XIRP2: variants seen among roughly 807,000 people sequenced by gnomAD.
XIRP2 encodes xin actin-binding repeat-containing protein 2.
Under a neutral mutation model 277.0 loss-of-function variants are expected in XIRP2, and 236 were observed. That is an observed-to-expected ratio of 0.85 (90% CI 0.77 to 0.95). XIRP2 has a LOEUF of 0.95. XIRP2 is among the 40% of genes least tolerant of loss of function. XIRP2 has a pLI of 0.00. For synonymous variants in XIRP2, 1,490 were observed against 1,416.5 expected, an observed-to-expected ratio of 1.05 and a Z score of -1.17; for missense variants, 4,640 against 4,157.5, an observed-to-expected ratio of 1.12 and a Z score of -3.19.
chr2:166,927,427 T>C (rs1370358900), intron 2 of XIRP2, among the ~76,000 whole-genome samples: 1 of 152,164 alleles, frequency 6.6e-6, no homozygotes, highest in Non-Finnish European at 1.5e-5. Flanking sequence ...CATTTTTTTC[T>C]GGAGGCTCTA....
At chr2:167,095,364 G>T (rs1690271147) in intron 2 of XIRP2, among the ~76,000 whole-genome samples, 1 of 152,156 alleles carries the variant, frequency 6.6e-6, no homozygotes, top group Non-Finnish European at 1.5e-5. Context: ...AATAGGAGTG[G>T]TGAGAGAGGG....
chr2:167,211,569 T>C (rs1462285321), intron 4 of XIRP2, among the ~76,000 whole-genome samples: 1 of 152,230 alleles, frequency 6.6e-6, no homozygotes, highest in Non-Finnish European at 1.5e-5. Context: ...CCTGTAGATA[T>C]TCTCCTCAGG....
rs549536182 is a variant in XIRP2, at chr2:167,256,720, C to T, written c.*40-1137C>T. 5.3e-5 allele frequency among the ~76,000 whole-genome samples: 8 copies of T among 151,860 alleles called. No individual in the cohort carries two copies. In the East Asian group the frequency reaches 1.6e-3, roughly 30 times the overall value. On this transcript the variant is annotated intron_variant, in intron 10 of 10. Transcript: ENST00000409195. ...TTATGTAAAATTAGTTTTCCCAAAC[C>T]TTAGAAGGATAAAAATCAGGATGGT...
chr2:166,956,111 C>A (rs1002762784), intron 2 of XIRP2, among the ~76,000 whole-genome samples: 1 of 150,794 alleles, frequency 6.6e-6, no homozygotes, highest in South Asian at 2.1e-4. Context: ...TGAAAAATAT[C>A]ATAGGGTTTA....
intron 3 of XIRP2, among the ~76,000 whole-genome samples, chr2:167,153,241 C>T (rs1692067534): frequency 6.6e-6 from 1 of 151,958 alleles, no homozygotes; most frequent in South Asian, 2.1e-4. Context: ...TATAGTTGAG[C>T]ACAAATTGTG....
At chr2:167,021,544 A>G (rs2105485406) in intron 2 of XIRP2, among the ~76,000 whole-genome samples, 1 of 152,120 alleles carries the variant, frequency 6.6e-6, no homozygotes, top group South Asian at 2.1e-4. Context: ...TGTTTGTTGG[A>G]AATTTTTCTT....
rs565050772 is a variant in XIRP2 at position 166,943,213 on chromosome 2, T to C, written c.408+39323T>C. 2.0e-5 allele frequency among the ~76,000 whole-genome samples: 3 copies of C among 152,240 alleles called. No homozygotes were observed. The East Asian group carries it at 5.8e-4, about 29-fold the overall frequency. On this transcript the variant is annotated intron_variant, in intron 2 of 10. Coordinates refer to ENST00000409195, the MANE Select transcript of XIRP2 (RefSeq NM_152381.6). ...CATTATCATAGGCCTAATAATATAATAGAAATATTTGTACCTTTTTATCTT... is the reference window on the plus strand; with the variant it reads ...CATTATCATAGGCCTAATAATATAACAGAAATATTTGTACCTTTTTATCTT...
At chr2:167,217,763 G>A (rs1470524288) in intron 4 of XIRP2, among the ~76,000 whole-genome samples, 2 of 152,022 alleles carry the variant, frequency 1.3e-5, no homozygotes, top group African/African-American at 2.4e-5. Flanking sequence ...TCTTAATAAT[G>A]TGTTCCCTAT....
intron 9 of XIRP2, among the ~76,000 whole-genome samples, 193 bp from the exon 10 acceptor site, chr2:167,253,839 G>T (rs1268004815): frequency 5.3e-5 from 8 of 150,670 alleles, no homozygotes; most frequent in Admixed American, 1.3e-4. Context: ...CTAGAGTAAT[G>T]TAGACCATCC....
At chr2:167,124,908 GC>G (rs1197001816) in intron 2 of XIRP2, among the ~76,000 whole-genome samples, 1 of 152,110 alleles carries the variant, frequency 6.6e-6, no homozygotes, top group Non-Finnish European at 1.5e-5. Context: ...CAGAAGGATG[GC>G]CCAGATCAGA....
At position 167,099,297 on chromosome 2, in the gene XIRP2, T is replaced by A. The variant is rs1558979897; in HGVS notation, c.409-36612T>A. 2.0e-5 allele frequency among the ~76,000 whole-genome samples: 3 copies of A among 152,134 alleles called. No individual in the cohort carries two copies. In the East Asian group the frequency reaches 5.8e-4, roughly 29 times the overall value. On this transcript the variant is annotated intron_variant, in intron 2 of 10. Coordinates refer to ENST00000409195, the MANE Select transcript of XIRP2 (RefSeq NM_152381.6). ...AGTTCAAACTTCCCAGTGGCTTTGTTTACTCTGTGAGGGGAAAACTGCCTA... is the reference window on the plus strand; with the variant it reads ...AGTTCAAACTTCCCAGTGGCTTTGTATACTCTGTGAGGGGAAAACTGCCTA...
intron 3 of XIRP2, among the ~76,000 whole-genome samples, chr2:167,185,947 A>G (rs1454594884): frequency 6.6e-6 from 1 of 152,188 alleles, no homozygotes; most frequent in South Asian, 2.1e-4. Flanking sequence ...GTCACAGAGT[A>G]TATTACTGTC....
chr2:167,112,000 G>A (rs984402045), intron 2 of XIRP2, among the ~76,000 whole-genome samples: 1 of 152,144 alleles, frequency 6.6e-6, no homozygotes, highest in African/African-American at 2.4e-5. Flanking sequence ...TGTGGGGTCA[G>A]TGATAACACT....
intron 2 of XIRP2, 109 bp from the exon 3 acceptor site, chr2:167,135,800 A>G (rs1329739355): frequency 8.2e-6 from 9 of 1,093,486 alleles, no homozygotes; most frequent in Non-Finnish European, 3.8e-6. Context: ...AACATCCCTC[A>G]TGACAGAAAT....
rs763059913 is a variant in XIRP2, at chr2:167,243,915, G to T, written c.2523G>T (p.Lys841Asn). Residue 841 changes from lysine (K) to asparagine (N), a missense_variant, in exon 9 of 11, where the codon AAG becomes AAT. Coordinates refer to ENST00000409195, the MANE Select transcript of XIRP2 (RefSeq NM_152381.6). ...TAATAGGTACAGATGTCTCCAGAAA[G>T]TGTTGGATGTTTGAAACCCAGCCAT... is the stretch of plus-strand genomic sequence containing the variant. ...EKIIGTDVSR[K>N]CWMFETQPLD... is the part of the protein sequence containing the mutation. 1.2e-6 allele frequency: 2 copies of T among 1,614,030 alleles called. No individual in the cohort carries two copies. Among genetic ancestry groups the T allele is most frequent in the Admixed American group, 1.7e-5 (1 of 60,010 alleles).
chr2:167,138,488 A>C (rs116674625), intron 3 of XIRP2, among the ~76,000 whole-genome samples: 2,089 of 152,286 alleles, frequency 0.014, 56 homozygotes, highest in African/African-American at 0.048. Flanking sequence ...TGCTCTCACC[A>C]CGTCTATTTT....
chr2:166,959,784 G>A (rs183316289), intron 2 of XIRP2, among the ~76,000 whole-genome samples: 98 of 151,730 alleles, frequency 6.5e-4, no homozygotes, highest in African/African-American at 2.2e-3. Context: ...GAGTTTCAGA[G>A]GTTAAACATC....
chr2:167,013,125 A>G (rs1687727581), intron 2 of XIRP2, among the ~76,000 whole-genome samples: 1 of 151,384 alleles, frequency 6.6e-6, no homozygotes, highest in Non-Finnish European at 1.5e-5. Context: ...TAGTTTGGTC[A>G]TTCCCAATAT....
chr2:167,167,981 C>T (rs1462366327), intron 3 of XIRP2, among the ~76,000 whole-genome samples: 1 of 152,092 alleles, frequency 6.6e-6, no homozygotes. Flanking sequence ...TTCCTCCTGA[C>T]TTTTGAAGGA....
Sources: gnomAD v4.1 joint callset for allele counts (sites outside exome capture counted in the v4.1 genomes callset) on GRCh38, gnomAD v4.1.1 for gene constraint, MANE v1.5 for transcripts, NCBI Gene and HGNC (gene_info 2026-07-23, HGNC 2026-07-21) for gene names.